The following GALNT1 variants were observed in gnomAD, a reference collection of about 807,000 sequenced individuals.
The protein encoded by GALNT1 is polypeptide N-acetylgalactosaminyltransferase 1, also known as GalNAc transferase 1.
GALNT1 carries 17 observed loss-of-function variants against 65.7 expected under a neutral mutation model. The ratio of observed to expected loss-of-function variants is 0.26; its 90% CI spans 0.18 to 0.39. GALNT1 has a LOEUF of 0.39. GALNT1 is among the 10% of genes least tolerant of loss of function. The pLI, the probability that GALNT1 is intolerant of heterozygous loss-of-function variation, is 1.00. For synonymous variants in GALNT1, 210 were observed against 219.7 expected, an observed-to-expected ratio of 0.96 and a Z score of 0.39; for missense variants, 460 against 672.8, an observed-to-expected ratio of 0.68 and a Z score of 3.50.
At chr18:35,598,265 C>T (rs879916582) in intron 1 of GALNT1, among the ~76,000 whole-genome samples, 1 of 151,922 alleles carries the variant, frequency 6.6e-6, no homozygotes, top group Non-Finnish European at 1.5e-5. Flanking sequence ...GAACTCCTGA[C>T]CTCAGGTGAT....
intron 3 of GALNT1, among the ~76,000 whole-genome samples, chr18:35,675,524 T>A (rs1017654228): frequency 1.2e-4 from 19 of 152,312 alleles, no homozygotes; most frequent in African/African-American, 4.6e-4. Context: ...GTTTTAGAAT[T>A]TTATTCTTTA....
chr18:35,632,741 A>G (rs2047031876), intron 1 of GALNT1, among the ~76,000 whole-genome samples: 1 of 152,204 alleles, frequency 6.6e-6, no homozygotes, highest in Non-Finnish European at 1.5e-5. Flanking sequence ...AGCAAAAGAA[A>G]CTACCATCAG....
intron 1 of GALNT1, among the ~76,000 whole-genome samples, chr18:35,619,014 A>G (rs553086534): frequency 6.6e-6 from 1 of 152,332 alleles, no homozygotes; most frequent in South Asian, 2.1e-4. Context: ...CTAGTAAGAG[A>G]GAAACCAAGT....
chr18:35,696,756 G>T (rs2048064688), intron 9 of GALNT1, among the ~76,000 whole-genome samples: 1 of 152,146 alleles, frequency 6.6e-6, no homozygotes, highest in Non-Finnish European at 1.5e-5. Context: ...AAAAAACACG[G>T]CTAAACTCAC....
intron 1 of GALNT1, among the ~76,000 whole-genome samples, chr18:35,633,657 A>C (rs1242948336): frequency 6.6e-6 from 1 of 152,204 alleles, no homozygotes; most frequent in African/African-American, 2.4e-5. Context: ...ACAAACCTGC[A>C]CATTGTGCAT....
chr18:35,639,733 T>C (rs1239218972), intron 1 of GALNT1, among the ~76,000 whole-genome samples: 1 of 152,246 alleles, frequency 6.6e-6, no homozygotes, highest in East Asian at 1.9e-4. Flanking sequence ...TTTTGTGATC[T>C]TTATGCTTGT....
At chr18:35,669,906 T>A (rs111705344) in intron 3 of GALNT1, among the ~76,000 whole-genome samples, 10 of 152,330 alleles carry the variant, frequency 6.6e-5, no homozygotes, top group African/African-American at 2.4e-4. Flanking sequence ...TAAAATTTAT[T>A]ACTTTAAGAA....
chr18:35,586,501 T>G (rs981876991), intron 1 of GALNT1, among the ~76,000 whole-genome samples: 20 of 152,210 alleles, frequency 1.3e-4, no homozygotes, highest in Admixed American at 1.3e-3. Context: ...GGGAACTCTT[T>G]GCCTAGCCCT....
At chr18:35,642,742 A>G (rs1377674155) in intron 1 of GALNT1, among the ~76,000 whole-genome samples, 3 of 152,044 alleles carry the variant, frequency 2.0e-5, no homozygotes, top group South Asian at 2.1e-4. Context: ...CTTTTTACCT[A>G]TTGCCCCCTC....
intron 4 of GALNT1, among the ~76,000 whole-genome samples, chr18:35,681,040 A>T (rs186864399): frequency 6.6e-6 from 1 of 152,292 alleles, no homozygotes. Context: ...AGTTAGATTT[A>T]TTAGATTCTG....
At chr18:35,611,146 T>C (rs1016664776) in intron 1 of GALNT1, among the ~76,000 whole-genome samples, 1 of 152,176 alleles carries the variant, frequency 6.6e-6, no homozygotes, top group African/African-American at 2.4e-5. Context: ...TTTTCAAATA[T>C]CTCCTAACAA....
intron 9 of GALNT1, among the ~76,000 whole-genome samples, chr18:35,693,405 T>TA (rs1460920386): frequency 6.6e-6 from 1 of 152,174 alleles, no homozygotes; most frequent in African/African-American, 2.4e-5. Context: ...TCAAATCATA[T>TA]AAAGCTTTTA....
intron 1 of GALNT1, among the ~76,000 whole-genome samples, chr18:35,605,391 A>G (rs2046633244): frequency 6.6e-6 from 1 of 151,722 alleles, no homozygotes; most frequent in African/African-American, 2.4e-5. Context: ...TCAGCTATTC[A>G]GGAGGCTGAG....
intron 9 of GALNT1, among the ~76,000 whole-genome samples, chr18:35,694,420 A>C (rs1447189744): frequency 6.6e-6 from 1 of 152,206 alleles, no homozygotes; most frequent in Non-Finnish European, 1.5e-5. Context: ...AAAAACAGAG[A>C]ATGACACATG....
chr18:35,655,638 T>G (rs1030332471), intron 2 of GALNT1, among the ~76,000 whole-genome samples: 1 of 152,046 alleles, frequency 6.6e-6, no homozygotes, highest in Non-Finnish European at 1.5e-5. Flanking sequence ...TTTTAGAAAT[T>G]ATATACAAAT....
chr18:35,636,295 T>C (rs1474692056), intron 1 of GALNT1, among the ~76,000 whole-genome samples: 2 of 152,232 alleles, frequency 1.3e-5, no homozygotes, highest in African/African-American at 4.8e-5. Context: ...GGAATGTCTT[T>C]AGTGAAGACT....
rs551803619 is a variant in GALNT1, at chr18:35,710,969, T to A, written c.*1199T>A. On this transcript the variant is annotated 3_prime_UTR_variant, in exon 12 of 12. Coordinates refer to ENST00000269195, the MANE Select transcript of GALNT1 (RefSeq NM_020474.4). ...TGTAATGTTTATCTGCTGCTTTTTT[T>A]AAATAAAATTTGACTGAAAATGTTT... 26 of 152,788 alleles carry A rather than the reference T, an allele frequency of 1.7e-4. No individual in the cohort carries two copies. The highest frequency in any genetic ancestry group is 1.2e-3 in the South Asian group (6 of 4,828). The allele number at this position is 152,788 out of a possible 1,614,324, so 9.5% of individuals were successfully genotyped here.
At chr18:35,613,025 C>T (rs1025792270) in intron 1 of GALNT1, among the ~76,000 whole-genome samples, 3 of 152,128 alleles carry the variant, frequency 2.0e-5, no homozygotes, top group South Asian at 2.1e-4. Context: ...TGTTTAAGAT[C>T]GCAGCTCCTC....
intron 1 of GALNT1, among the ~76,000 whole-genome samples, chr18:35,609,968 G>A (rs1291803817): frequency 4.6e-5 from 7 of 151,756 alleles, no homozygotes; most frequent in South Asian, 4.1e-4. Context: ...TGAGATGAAT[G>A]GAACACAGAT....
Sources: gnomAD v4.1 joint callset for allele counts (sites outside exome capture counted in the v4.1 genomes callset) on GRCh38, gnomAD v4.1.1 for gene constraint, MANE v1.5 for transcripts, NCBI Gene and HGNC (gene_info 2026-07-23, HGNC 2026-07-21) for gene names.